METTL27: variants seen among roughly 807,000 people sequenced by gnomAD.
METTL27 encodes the protein methyltransferase like 27.
In METTL27, 29 loss-of-function variants were observed where a neutral mutation model predicts 24.5. The observed-to-expected ratio is 1.18, with a 90% CI of 0.88 to 1.61. The LOEUF (loss-of-function observed/expected upper bound fraction) is 1.61, where lower values mean the gene tolerates loss of function less well. Among genes scored for constraint, METTL27 ranks in the 40% most tolerant of loss-of-function variants. The pLI is 0.00. For synonymous variants in METTL27, 138 were observed against 146.8 expected, an observed-to-expected ratio of 0.94 and a Z score of 0.43; for missense variants, 341 against 324.3, an observed-to-expected ratio of 1.05 and a Z score of -0.40.
In METTL27 at chr7:73,840,112, C is replaced by T. The variant is rs199559900; in HGVS notation, c.397G>A (p.Asp133Asn). 111 of 1,562,492 alleles carry T rather than the reference C, an allele frequency of 7.1e-5. No individual in the cohort carries two copies. Among genetic ancestry groups the T allele is most frequent in the Admixed American group, 6.3e-4 (34 of 54,094 alleles). ...AGGGCACCGACTATCAGCACCGCGT[C>T]GAAGGTCCCTGTGTGTGTGTGGGGG... ...EPLPSPEGTFDAVLIVGALSD... is the reference protein window; with the variant it reads ...EPLPSPEGTFNAVLIVGALSD... Residue 133 changes from aspartate (D) to asparagine (N), a missense_variant, in exon 5 of 6, where the codon GAC becomes AAC. Asp to Asn is a conservative substitution (Grantham distance 23). Coordinates refer to ENST00000297873, the MANE Select transcript of METTL27 (RefSeq NM_152559.3).
Position 73,841,130 on chromosome 7 carries a change from G to T in METTL27, c.192C>A (p.Gly64=), listed in dbSNP as rs1788341658. Residue 64 remains glycine, a synonymous_variant, in exon 3 of 6, where the codon GGC becomes GGA. Transcript: ENST00000297873. The stretch of plus-strand genomic sequence containing the variant: ...CCAGGATCAGGGCACTGTGGGGCGG[G>T]CCTGGAAGGGCTTGTGTGAGGCAGT... ...AVDCLTQALP[G]PPHSALILDV... is the part of the protein sequence containing the mutation. The T allele has an allele frequency of 6.5e-7, 1 of 1,539,978 alleles. No individual in the cohort carries two copies.
At position 73,838,896 on chromosome 7, in the gene METTL27, C is replaced by T. The variant is rs1788280589; in HGVS notation, c.478+1135G>A. ...CCTGTCCTGCAGCCAGCCAGCGCCT[C>T]CTCGTTCTCATGCTCAGCCCCTCTC... On this transcript the variant is annotated intron_variant, in intron 5 of 5. Coordinates refer to ENST00000297873, the MANE Select transcript of METTL27 (RefSeq NM_152559.3). Among the ~76,000 whole-genome samples, 3 of 152,180 alleles carry T rather than the reference C, an allele frequency of 2.0e-5. No homozygotes were observed. The South Asian group carries it at 6.2e-4, about 32-fold the overall frequency.
At chr7:73,839,058 C>T (rs566636538) in intron 5 of METTL27, among the ~76,000 whole-genome samples, 14 of 152,052 alleles carry the variant, frequency 9.2e-5, no homozygotes, top group Non-Finnish European at 1.5e-4. Flanking sequence ...CCAAGGCGGG[C>T]GATCACTTGA....
At position 73,835,040 on chromosome 7, in the gene METTL27, G is replaced by A. The variant is rs561323849; in HGVS notation, c.479-38C>T. ...GGTAGGTGAGGTGGGGGAGGGGCAG[G>A]AGCCACAGTCCTGGGCCATCTCTGC... On this transcript the variant is annotated intron_variant, in intron 5 of 5. Coordinates refer to ENST00000297873, the MANE Select transcript of METTL27 (RefSeq NM_152559.3). The A allele has an allele frequency of 5.1e-6, 8 of 1,573,372 alleles. No homozygotes were observed. In the African/African-American group the frequency reaches 9.4e-5, roughly 19 times the overall value.
intron 5 of METTL27, among the ~76,000 whole-genome samples, chr7:73,838,034 G>T (rs61696326): frequency 0.03 from 4,451 of 148,800 alleles, 202 homozygotes; most frequent in African/African-American, 0.1. Context: ...TTTTTTTTTT[G>T]TAGAGATGGG....
intron 2 of METTL27, 99 bp downstream of exon 2, chr7:73,841,919 C>T (rs1788370485): frequency 1.3e-6 from 2 of 1,589,140 alleles, no homozygotes; most frequent in Non-Finnish European, 1.7e-6. Flanking sequence ...GGCCTCACTT[C>T]GTCCTCACAG....
At chr7:73,837,852 CT>C (rs1426338299) in intron 5 of METTL27, among the ~76,000 whole-genome samples, 3 of 151,744 alleles carry the variant, frequency 2.0e-5, no homozygotes, top group Admixed American at 6.6e-5. Context: ...CCCACCCCCC[CT>C]TTTTTTTCTT....
At position 73,840,565 on chromosome 7, in the gene METTL27, G is replaced by A; in HGVS notation, c.253-16C>T. 6.4e-7 allele frequency: 1 copy of A among 1,569,884 alleles called. No individual in the cohort carries two copies. The highest frequency in any genetic ancestry group is 1.2e-5 in the South Asian group (1 of 83,772). ...GAGCCCGCAGCTGGGGTAGGGGTGG[G>A]AGACTCAGTCATGGTTCACACCTGC... On this transcript the variant is annotated splice_polypyrimidine_tract_variant and intron_variant, in intron 3 of 5. Transcript: ENST00000297873.
At chr7:73,836,705 AG>A (rs1788214801) in intron 5 of METTL27, among the ~76,000 whole-genome samples, 1 of 66,976 alleles carries the variant, frequency 1.5e-5, no homozygotes. Flanking sequence ...CCGGGAAGTG[AG>A]GGGCGCCTCT....
Position 73,841,122 on chromosome 7 carries a change from TG to T in METTL27, c.199del (p.His67ThrfsTer4), listed in dbSNP as rs1554636342. The T allele has an allele frequency of 1.0e-5, 16 of 1,535,150 alleles. No homozygotes were observed. Among genetic ancestry groups the T allele is most frequent in the Non-Finnish European group, 1.3e-5 (15 of 1,151,804 alleles). ...CLTQALPGPP[H>X]SALILDVACG... ...GGCCACGTCCAGGATCAGGGCACTG[TG>T]GGGCGGGCCTGGAAGGGCTTGTGTG... On this transcript the variant is annotated frameshift_variant, in exon 3 of 6. Transcript: ENST00000297873. LOFTEE classifies it high-confidence loss of function.
At chr7:73,836,100 C>T (rs1431237488) in intron 5 of METTL27, among the ~76,000 whole-genome samples, 2 of 151,968 alleles carry the variant, frequency 1.3e-5, no homozygotes, top group African/African-American at 4.8e-5. Context: ...CAGCCCCCCG[C>T]CCCACCAGCC....
At chr7:73,840,604 G>T in intron 3 of METTL27, 55 bp from the exon 4 acceptor site, 1 of 1,526,058 alleles carries the variant, frequency 6.6e-7, no homozygotes, top group South Asian at 1.3e-5. Flanking sequence ...TTCCCGGCTG[G>T]GTCCCTGCAC....
rs1033106130 is a variant in METTL27, at chr7:73,840,284, G to A, written c.388+130C>T. 4.9e-5 allele frequency: 72 copies of A among 1,482,230 alleles called. No homozygotes were observed. In the Admixed American group the frequency reaches 5.3e-4, roughly 11 times the overall value. 91.8% of individuals were successfully genotyped at this position (1,482,230 alleles called of 1,614,324 possible). A position where few individuals can be genotyped will look rare whatever the true frequency, so the allele number is the denominator to read the frequency against. On this transcript the variant is annotated intron_variant, in intron 4 of 5. Coordinates refer to ENST00000297873, the MANE Select transcript of METTL27 (RefSeq NM_152559.3). The stretch of plus-strand genomic sequence containing the variant: ...GGTAAGTATGGCCCAGTTCTGGGCT[G>A]CAGTCAGATCGTGGGGTGCAGGGTT...
chr7:73,840,590 C>G, intron 3 of METTL27, 41 bp from the exon 4 acceptor site: 4 of 1,531,972 alleles, frequency 2.6e-6, no homozygotes, highest in Non-Finnish European at 3.5e-6. Context: ...TTCACACCTG[C>G]CACTTCCCGG....
chr7:73,838,338 G>A (rs1315582476), intron 5 of METTL27, among the ~76,000 whole-genome samples: 1 of 152,178 alleles, frequency 6.6e-6, no homozygotes, highest in Non-Finnish European at 1.5e-5. Flanking sequence ...GGCACAGAGA[G>A]GATGATTATC....
At chr7:73,837,650 G>A (rs976148677) in intron 5 of METTL27, among the ~76,000 whole-genome samples, 2 of 151,776 alleles carry the variant, frequency 1.3e-5, no homozygotes, top group South Asian at 2.1e-4. Context: ...TTCAGCCTCC[G>A]CCTCCTGGGT....
intron 5 of METTL27, among the ~76,000 whole-genome samples, chr7:73,836,434 C>T (rs1554635275): frequency 2.1e-5 from 3 of 144,928 alleles, no homozygotes; most frequent in East Asian, 4.2e-4. Context: ...CGGCCAGCCG[C>T]CCCGTCCGGG....
chr7:73,841,602 A>G (rs1788358084), intron 2 of METTL27, among the ~76,000 whole-genome samples: 2 of 151,552 alleles, frequency 1.3e-5, no homozygotes, highest in South Asian at 4.2e-4. Flanking sequence ...CCTCCAGGGT[A>G]GCTGGGATTA....
At chr7:73,835,658 C>G (rs1788151988) in intron 5 of METTL27, among the ~76,000 whole-genome samples, 1 of 144,870 alleles carries the variant, frequency 6.9e-6, no homozygotes, top group African/African-American at 2.5e-5. Flanking sequence ...TGAGGAGCAT[C>G]TCTGCCTGGC....
Sources: allele counts gnomAD v4.1 joint callset (sites outside exome capture counted in the v4.1 genomes callset), GRCh38; gene constraint gnomAD v4.1.1; transcripts MANE v1.5; gene names NCBI Gene and HGNC (gene_info 2026-07-23, HGNC 2026-07-21).